The following LDHC variants were observed in gnomAD, a reference collection of about 807,000 sequenced individuals.
The protein encoded by LDHC is lactate dehydrogenase C.
In LDHC, 20 loss-of-function variants were observed where a neutral mutation model predicts 30.2. The observed-to-expected ratio is 0.66, with a 90% CI of 0.47 to 0.96. The LOEUF (loss-of-function observed/expected upper bound fraction) is 0.96, where lower values mean the gene tolerates loss of function less well. Among genes scored for constraint, LDHC ranks in the 40% least tolerant of loss-of-function variants. The probability of loss-of-function intolerance (pLI) is 0.00; values close to 1 mark genes in which losing one functional copy is unlikely to be tolerated. For synonymous variants in LDHC, 139 were observed against 132.7 expected (o/e 1.05, Z -0.32); for missense variants, 362 against 394.9 (o/e 0.92, Z 0.71).
In LDHC at chr11:18,451,011, T is replaced by A. The variant is rs1354011066; in HGVS notation, c.883T>A (p.Leu295Met). 1 of 1,597,334 alleles carries A rather than the reference T, an allele frequency of 6.3e-7. No individual in the cohort carries two copies. Among genetic ancestry groups the A allele is most frequent in the Non-Finnish European group, 8.5e-7 (1 of 1,174,646 alleles). ...ACTCTTTCTCAGTATCCCTTGTGTC[T>A]TGGGGCGGAATGGTGTCTCAGATGT... ...EELFLSIPCV[L>M]GRNGVSDVVK... The change falls in exon 8 of 8, where the codon TTG becomes ATG. Residue 295 changes from leucine to methionine, a missense_variant. By Grantham distance (15) the Leu-to-Met change is conservative (BLOSUM62 2). Transcript: ENST00000541669.
At position 18,412,519 on chromosome 11, in the gene LDHC, G is replaced by A. The variant is rs1590220772; in HGVS notation, c.-10+111G>A. 2.5e-5 allele frequency: 13 copies of A among 518,194 alleles called. No homozygotes were observed. In the South Asian group the frequency reaches 2.5e-4, roughly 10 times the overall value. 32.1% of individuals were successfully genotyped at this position (518,194 alleles called of 1,614,324 possible). ...GCTGGGGGCAGGGAGAAATCCAAAA[G>A]CCCGCTGGTGCCCCAGCCCTCCCAT... On this transcript the variant is annotated intron_variant, in intron 1 of 7. Transcript: ENST00000541669.
intron 7 of LDHC, chr11:18,450,087 T>C (rs1773278526): frequency 6.6e-6 from 1 of 152,106 alleles, no homozygotes; most frequent in South Asian, 2.1e-4. Flanking sequence ...TTTTAAATTT[T>C]AATTTTTTGG....
intron 3 of LDHC, among the ~76,000 whole-genome samples, chr11:18,427,313 C>T (rs2134055930): frequency 1.3e-5 from 2 of 152,266 alleles, no homozygotes; most frequent in South Asian, 2.1e-4. Flanking sequence ...TGAGATTGCA[C>T]CACTGCACTC....
intron 3 of LDHC, among the ~76,000 whole-genome samples, chr11:18,425,525 T>C (rs1848146954): frequency 6.6e-6 from 1 of 152,098 alleles, no homozygotes; most frequent in Non-Finnish European, 1.5e-5. Context: ...GGATTACAGG[T>C]GTGAGCCACT....
At position 18,425,279 on chromosome 11, in the gene LDHC, G is replaced by A. The variant is rs2721120; in HGVS notation, c.245-4458G>A. On this transcript the variant is annotated intron_variant, in intron 3 of 7. Coordinates refer to ENST00000541669, the MANE Select transcript of LDHC (RefSeq NM_017448.5). Reference sequence around the variant, plus strand: ...ACAACCTCAAACTCTTGAATTCCTGGGTTCAAGCAGTCCTCCCACCTCAGC... The same window carrying A: ...ACAACCTCAAACTCTTGAATTCCTGAGTTCAAGCAGTCCTCCCACCTCAGC... Among the ~76,000 whole-genome samples, 415 of 152,134 alleles carry A rather than the reference G, an allele frequency of 2.7e-3. 2 individuals carry two copies. Among genetic ancestry groups the A allele is most frequent in the African/African-American group, 9.3e-3 (385 of 41,522 alleles).
chr11:18,418,979 G>C (rs1365318783), intron 3 of LDHC, among the ~76,000 whole-genome samples: 1 of 152,190 alleles, frequency 6.6e-6, no homozygotes, highest in East Asian at 1.9e-4. Context: ...TACCCTGATA[G>C]CATTTGCCAA....
At position 18,451,083 on chromosome 11, in the gene LDHC, A is replaced by C; in HGVS notation, c.955A>C (p.Ser319Arg). ...NSEEEALFKK[S>R]AETLWNIQKD... ...TGAGGAGGAGGCCCTTTTCAAGAAGAGTGCAGAAACACTTTGGAATATTCA... is the reference window on the plus strand; with the variant it reads ...TGAGGAGGAGGCCCTTTTCAAGAAGCGTGCAGAAACACTTTGGAATATTCA... Residue 319 changes from serine to arginine, a missense_variant, in exon 8 of 8, where the codon AGT becomes CGT. Transcript: ENST00000541669. The C allele has an allele frequency of 6.3e-7, 1 of 1,580,820 alleles. No homozygotes were observed. The highest frequency in any genetic ancestry group is 1.2e-5 in the South Asian group (1 of 84,132).
chr11:18,439,831 A>C (rs1469846872), intron 6 of LDHC, among the ~76,000 whole-genome samples: 14 of 142,376 alleles, frequency 9.8e-5, no homozygotes, highest in African/African-American at 3.1e-4. Flanking sequence ...AAAAAAAAAA[A>C]AAAAACAAAA....
chr11:18,416,956 T>A (rs767161999), intron 3 of LDHC, among the ~76,000 whole-genome samples: 4 of 152,120 alleles, frequency 2.6e-5, no homozygotes, highest in Non-Finnish European at 5.9e-5. Context: ...CAATCTCAGC[T>A]CACCACAACC....
intron 3 of LDHC, among the ~76,000 whole-genome samples, chr11:18,420,177 C>T (rs1384264755): frequency 6.6e-6 from 1 of 152,050 alleles, no homozygotes; most frequent in Non-Finnish European, 1.5e-5. Context: ...AAATCTAAGG[C>T]AATTACCCAG....
chr11:18,426,063 G>C (rs1398667172), intron 3 of LDHC, among the ~76,000 whole-genome samples: 2 of 151,368 alleles, frequency 1.3e-5, no homozygotes, highest in Non-Finnish European at 2.9e-5. Flanking sequence ...GTTTAGAGAT[G>C]GCTGTTCATG....
In LDHC at chr11:18,429,869, A is replaced by T. The variant is rs753971983; in HGVS notation, c.377A>T (p.His126Leu). 1.2e-6 allele frequency: 2 copies of T among 1,611,870 alleles called. No individual in the cohort carries two copies. The highest frequency in any genetic ancestry group is 1.7e-6 in the Non-Finnish European group (2 of 1,178,438). Reference sequence around the variant, plus strand: ...AAATCAATCATTCCTGCCATAGTCCATTATAGTCCTGATTGTAAAATTCTT... The same window carrying T: ...AAATCAATCATTCCTGCCATAGTCCTTTATAGTCCTGATTGTAAAATTCTT... ...IMKSIIPAIV[H>L]YSPDCKILVV... The change falls in exon 4 of 8, where the codon CAT becomes CTT. Residue 126 changes from histidine to leucine, a missense_variant. Physicochemically the swap from His to Leu is moderately conservative, Grantham distance 99. Transcript: ENST00000541669.
At position 18,438,602 on chromosome 11, in the gene LDHC, G is replaced by A. The variant is rs776605528; in HGVS notation, c.667G>A (p.Asp223Asn). 6.2e-7 allele frequency: 1 copy of A among 1,612,298 alleles called. No individual in the cohort carries two copies. The highest frequency in any genetic ancestry group is 1.1e-5 in the South Asian group (1 of 91,026). Residue 223 changes from aspartate (D) to asparagine (N), a missense_variant, in exon 6 of 8, where the codon GAT becomes AAT. Physicochemically the swap from Asp to Asn is conservative, Grantham distance 23. Coordinates refer to ENST00000541669, the MANE Select transcript of LDHC (RefSeq NM_017448.5). ...GGACCCTAAATTAGGAACGGATTCA[G>A]ATAAGGAACACTGGAAAAATATCCA... ...TLDPKLGTDSDKEHWKNIHKQ... is the reference protein window; with the variant it reads ...TLDPKLGTDSNKEHWKNIHKQ...
At chr11:18,440,588 T>C (rs1203293695) in intron 6 of LDHC, among the ~76,000 whole-genome samples, 2 of 152,166 alleles carry the variant, frequency 1.3e-5, no homozygotes, top group Admixed American at 1.3e-4. Context: ...ATGCACTTAA[T>C]GCCACTGAAC....
intron 3 of LDHC, among the ~76,000 whole-genome samples, chr11:18,425,357 A>C (rs1380373536): frequency 6.6e-6 from 1 of 152,008 alleles, no homozygotes; most frequent in Non-Finnish European, 1.5e-5. Context: ...TGGCAGAGTT[A>C]ATATTTTTAA....
At chr11:18,419,502 A>G (rs781364893) in intron 3 of LDHC, among the ~76,000 whole-genome samples, 1 of 152,216 alleles carries the variant, frequency 6.6e-6, no homozygotes, top group Non-Finnish European at 1.5e-5. Context: ...TTAAGCAATC[A>G]GATGGTAGCT....
chr11:18,426,057 A>T (rs1383806558), intron 3 of LDHC, among the ~76,000 whole-genome samples: 4 of 150,826 alleles, frequency 2.7e-5, no homozygotes, highest in Non-Finnish European at 5.9e-5. Flanking sequence ...TTTTTAGTTT[A>T]GAGATGGCTG....
At chr11:18,447,259 A>G (rs1451763205) in intron 7 of LDHC, among the ~76,000 whole-genome samples, 2 of 151,138 alleles carry the variant, frequency 1.3e-5, no homozygotes, top group South Asian at 4.2e-4. Context: ...TCAGCCTCCC[A>G]AGTAGCTGGG....
At chr11:18,425,506 CA>C (rs1470754875) in intron 3 of LDHC, among the ~76,000 whole-genome samples, 1 of 152,170 alleles carries the variant, frequency 6.6e-6, no homozygotes, top group East Asian at 1.9e-4. Flanking sequence ...TCAGCCTCCC[CA>C]GTAGCTGGGA....
Sources: allele counts gnomAD v4.1 joint callset (sites outside exome capture counted in the v4.1 genomes callset), GRCh38; gene constraint gnomAD v4.1.1; transcripts MANE v1.5; gene names NCBI Gene and HGNC (gene_info 2026-07-23, HGNC 2026-07-21).